The following RNF152 variants were observed in gnomAD, a reference collection of about 807,000 sequenced individuals.
RNF152 encodes the protein E3 ubiquitin-protein ligase RNF152.
In RNF152, 11 loss-of-function variants were observed where a neutral mutation model predicts 12.7. That is an observed-to-expected ratio of 0.86 (90% confidence interval 0.54 to 1.43). RNF152 has a LOEUF of 1.43. Among genes scored for constraint, RNF152 ranks in the 40% most tolerant of loss-of-function variants. RNF152 has a pLI of 0.00. For synonymous variants in RNF152, 113 were observed against 120.3 expected (o/e 0.94, Z 0.40); for missense variants, 255 against 274.8 (o/e 0.93, Z 0.51).
intron 1 of RNF152, among the ~76,000 whole-genome samples, chr18:61,856,171 C>T (rs988127234): frequency 8.5e-5 from 13 of 152,190 alleles, no homozygotes; most frequent in African/African-American, 3.1e-4. Flanking sequence ...AATTCACTGG[C>T]TGATTTCTAT....
chr18:61,850,586 T>G (rs1910926551), intron 1 of RNF152, among the ~76,000 whole-genome samples: 1 of 152,196 alleles, frequency 6.6e-6, no homozygotes, highest in Non-Finnish European at 1.5e-5. Flanking sequence ...AAGCTCCATA[T>G]ACTTGATTAG....
chr18:61,842,155 T>C (rs1346686953), intron 1 of RNF152, among the ~76,000 whole-genome samples: 1 of 152,246 alleles, frequency 6.6e-6, no homozygotes. Context: ...TTCACTTTGT[T>C]ATTTTCTTAA....
intron 1 of RNF152, among the ~76,000 whole-genome samples, chr18:61,864,594 C>T (rs965515214): frequency 2.6e-5 from 4 of 152,172 alleles, no homozygotes; most frequent in African/African-American, 4.8e-5. Flanking sequence ...GGGACTAACT[C>T]CCTCTTTCGC....
chr18:61,875,575 C>T (rs750376567), intron 1 of RNF152, among the ~76,000 whole-genome samples: 7 of 151,334 alleles, frequency 4.6e-5, no homozygotes, highest in African/African-American at 7.4e-5. Flanking sequence ...GGATTACCCA[C>T]GAAGGTCAGC....
chr18:61,818,151 G>C (rs1169494493), intron 1 of RNF152, among the ~76,000 whole-genome samples: 2 of 152,164 alleles, frequency 1.3e-5, no homozygotes, highest in African/African-American at 2.4e-5. Flanking sequence ...TGGCCGGCGT[G>C]GGGGCTCACA....
At chr18:61,847,306 T>G (rs544793479) in intron 1 of RNF152, among the ~76,000 whole-genome samples, 125 of 152,338 alleles carry the variant, frequency 8.2e-4, no homozygotes, top group Admixed American at 1.4e-3. Context: ...CTATTTCTAT[T>G]TGCATGGGGT....
intron 1 of RNF152, among the ~76,000 whole-genome samples, chr18:61,847,052 T>C (rs1910771276): frequency 6.6e-6 from 1 of 151,998 alleles, no homozygotes; most frequent in South Asian, 2.1e-4. Context: ...TCCAGCCCAG[T>C]AGTGCACATA....
intron 1 of RNF152, among the ~76,000 whole-genome samples, chr18:61,843,852 T>C (rs915585988): frequency 2.0e-5 from 3 of 151,888 alleles, no homozygotes; most frequent in African/African-American, 7.3e-5. Context: ...TTTTACAAGA[T>C]GAAAAGAGTT....
At chr18:61,867,974 T>C (rs896751444) in intron 1 of RNF152, among the ~76,000 whole-genome samples, 1 of 152,128 alleles carries the variant, frequency 6.6e-6, no homozygotes, top group Non-Finnish European at 1.5e-5. Flanking sequence ...ACACAAACAA[T>C]ATATTAAATC....
chr18:61,820,921 C>T (rs1226799740), intron 1 of RNF152, among the ~76,000 whole-genome samples: 3 of 152,106 alleles, frequency 2.0e-5, no homozygotes, highest in African/African-American at 7.2e-5. Context: ...TGCTTTCTCC[C>T]TGGCCAAGCA....
chr18:61,889,518 CTT>C (rs996456610), intron 1 of RNF152, among the ~76,000 whole-genome samples: 1 of 152,284 alleles, frequency 6.6e-6, no homozygotes, highest in East Asian at 1.9e-4. Flanking sequence ...GCATCCAACT[CTT>C]TTTAGGGAGA....
intron 1 of RNF152, among the ~76,000 whole-genome samples, chr18:61,876,197 T>C (rs12970143): frequency 0.12 from 17,906 of 152,200 alleles, 1,368 homozygotes; most frequent in East Asian, 0.42. Flanking sequence ...CATTGTCAAA[T>C]ACTACATTTT....
At chr18:61,863,308 G>A (rs1346721324) in intron 1 of RNF152, among the ~76,000 whole-genome samples, 6 of 151,878 alleles carry the variant, frequency 4.0e-5, no homozygotes, top group East Asian at 3.9e-4. Flanking sequence ...GGTGACACAC[G>A]CCTGTAGTCC....
intron 1 of RNF152, among the ~76,000 whole-genome samples, chr18:61,884,295 C>A (rs573594113): frequency 8.9e-4 from 135 of 152,192 alleles, no homozygotes; most frequent in African/African-American, 3.0e-3. Context: ...AAATTTAAAC[C>A]CAAACCCATC....
At chr18:61,890,518 T>G (rs1249608734) in intron 1 of RNF152, 1 of 152,186 alleles carries the variant, frequency 6.6e-6, no homozygotes, top group Non-Finnish European at 1.5e-5. Flanking sequence ...CCAACCACAC[T>G]GGATGCAGCA....
chr18:61,838,046 G>A (rs1217692879), intron 1 of RNF152, among the ~76,000 whole-genome samples: 1 of 152,090 alleles, frequency 6.6e-6, no homozygotes, highest in East Asian at 1.9e-4. Flanking sequence ...TGACTTAAAG[G>A]CTTCCCGTCC....
chr18:61,876,322 A>G (rs1217217243), intron 1 of RNF152, among the ~76,000 whole-genome samples: 5 of 152,206 alleles, frequency 3.3e-5, no homozygotes, highest in African/African-American at 1.2e-4. Context: ...CTTCTAAAGG[A>G]GCATCTTGGT....
At chr18:61,830,016 A>G (rs958440559) in intron 1 of RNF152, among the ~76,000 whole-genome samples, 1 of 149,118 alleles carries the variant, frequency 6.7e-6, no homozygotes, top group African/African-American at 2.4e-5. Context: ...ATCTATTTCC[A>G]GAGAGCTTCT....
At chr18:61,847,533 CT>C (rs1437377489) in intron 1 of RNF152, among the ~76,000 whole-genome samples, 9 of 152,220 alleles carry the variant, frequency 5.9e-5, no homozygotes, top group Non-Finnish European at 1.2e-4. Context: ...TATTCTGCCC[CT>C]AGGCTTACTC....
Sources: gnomAD v4.1 joint callset for allele counts (sites outside exome capture counted in the v4.1 genomes callset) on GRCh38, gnomAD v4.1.1 for gene constraint, MANE v1.5 for transcripts, NCBI Gene and HGNC (gene_info 2026-07-23, HGNC 2026-07-21) for gene names.